The following AP3B2 variants were observed in gnomAD, a reference collection of about 807,000 sequenced individuals.
AP3B2 encodes adaptor related protein complex 3 subunit beta 2.
Under a neutral mutation model 126.9 loss-of-function variants are expected in AP3B2, and 50 were observed. That is an observed-to-expected ratio of 0.39 (90% confidence interval 0.31 to 0.50). The LOEUF is 0.50. AP3B2 is among the 20% of genes least tolerant of loss of function. AP3B2 has a pLI of 0.79. For synonymous variants in AP3B2, 541 were observed against 565.0 expected (o/e 0.96, Z 0.60); for missense variants, 1,177 against 1,426.4 (o/e 0.83, Z 2.82).
chr15:82,683,960 A>C (rs1370126939), intron 4 of AP3B2, among the ~76,000 whole-genome samples: 1 of 152,224 alleles, frequency 6.6e-6, no homozygotes, highest in Non-Finnish European at 1.5e-5. Flanking sequence ...CAGTGGGCTT[A>C]AAAAATTCAG....
intron 23 of AP3B2, 80 bp from the exon 24 acceptor site, chr15:82,662,332 C>G (rs903912550): frequency 9.4e-7 from 1 of 1,064,576 alleles, no homozygotes; most frequent in Non-Finnish European, 1.4e-6. Flanking sequence ...TAGCCCTACT[C>G]TCCTCTCCAC....
At position 82,661,855 on chromosome 15, in the gene AP3B2, T is replaced by G. The variant is rs2047956387; in HGVS notation, c.2986A>C (p.Met996Leu). The change falls in exon 25 of 27, where the codon ATG (methionine) becomes CTG (leucine). Residue 996 changes from methionine (M) to leucine (L), a missense_variant. Physicochemically the swap from Met to Leu is conservative, Grantham distance 15. Around this residue, in one of 5 missense-constraint regions of AP3B2, gnomAD observed 587 missense variants for 571.3 expected, o/e 1.03. Transcript: ENST00000535359. ...PVGELMAPVF[M>L]SENEFKKEQG... ...TCCTTCTTAAACTCATTTTCACTCATGAACACAGGGGCCATCAGCTCCCCA... is the reference window on the plus strand; with the variant it reads ...TCCTTCTTAAACTCATTTTCACTCAGGAACACAGGGGCCATCAGCTCCCCA... 1 of 1,613,514 alleles carries G rather than the reference T, an allele frequency of 6.2e-7. No homozygotes were observed. The highest frequency in any genetic ancestry group is 1.7e-5 in the Admixed American group (1 of 59,960).
At position 82,678,122 on chromosome 15, in the gene AP3B2, C is replaced by T. The variant is rs1282981278; in HGVS notation, c.1228G>A (p.Val410Ile). Residue 410 changes from valine (V) to isoleucine (I), a missense_variant, in exon 11 of 27, where the codon GTC becomes ATC. Physicochemically the swap from Val to Ile is conservative, Grantham distance 29. This residue lies in a region of AP3B2 where 308 missense variants were observed against 452.4 expected (regional missense o/e 0.68). Transcript: ENST00000535359. The stretch of plus-strand genomic sequence containing the variant: ...GCCTGTACCTGGAATTCCCGTAGGA[C>T]AGTAGGAATGTTGGTCTCATTGGCC... ...NLANETNIPT[V>I]LREFQTYIRS... 1 of 1,613,902 alleles carries T rather than the reference C, an allele frequency of 6.2e-7. No homozygotes were observed. Among genetic ancestry groups the T allele is most frequent in the Non-Finnish European group, 8.5e-7 (1 of 1,179,866 alleles).
At chr15:82,693,890 G>A (rs2048589887) in intron 1 of AP3B2, among the ~76,000 whole-genome samples, 1 of 151,140 alleles carries the variant, frequency 6.6e-6, no homozygotes, top group East Asian at 2.0e-4. Context: ...TAGTAGAGAT[G>A]AGGTTTCTCC....
At chr15:82,660,161 C>T (rs2047915028) in intron 25 of AP3B2, among the ~76,000 whole-genome samples, 178 bp from the exon 26 acceptor site, 1 of 152,166 alleles carries the variant, frequency 6.6e-6, no homozygotes, top group African/African-American at 2.4e-5. Flanking sequence ...TGGGCCCTCC[C>T]TCAGGAAGCC....
chr15:82,709,323 G>C (rs1039995101), intron 1 of AP3B2, among the ~76,000 whole-genome samples: 3 of 152,146 alleles, frequency 2.0e-5, no homozygotes, highest in Non-Finnish European at 4.4e-5. Flanking sequence ...CCTGGAACCG[G>C]AGGGTTTCTC....
Position 82,659,883 on chromosome 15 carries a change from G to T in AP3B2, c.3117C>A (p.Asn1039Lys). Residue 1039 changes from asparagine (N) to lysine (K), a missense_variant, in exon 26 of 27, where the codon AAC becomes AAA. Around this residue, in one of 5 missense-constraint regions of AP3B2, gnomAD observed 587 missense variants for 571.3 expected, o/e 1.03. Coordinates refer to ENST00000535359, the MANE Select transcript of AP3B2 (RefSeq NM_001278512.2). ...ATGTCCCACAAGGAACACGACCCAG[G>T]TTGGCAGTGGCAGTCACTTTCTGCA... ...IVVQKVTATA[N>K]LGRVPCGTSD... 6.2e-7 allele frequency: 1 copy of T among 1,613,998 alleles called. No individual in the cohort carries two copies. The highest frequency in any genetic ancestry group is 8.5e-7 in the Non-Finnish European group (1 of 1,179,890).
chr15:82,683,971 T>G (rs190255861), intron 4 of AP3B2, among the ~76,000 whole-genome samples: 39 of 152,312 alleles, frequency 2.6e-4, no homozygotes, highest in Non-Finnish European at 4.7e-4. Context: ...AAAAATTCAG[T>G]AAACCATAAC....
chr15:82,709,410 C>G (rs1596203132), intron 1 of AP3B2, among the ~76,000 whole-genome samples, 184 bp downstream of exon 1: 1 of 151,464 alleles, frequency 6.6e-6, no homozygotes. Context: ...CCCCTGGAGC[C>G]GGGGTGCCAG....
At chr15:82,697,158 C>T (rs62011675) in intron 1 of AP3B2, among the ~76,000 whole-genome samples, 30,443 of 151,942 alleles carry the variant, frequency 0.2, 3,700 homozygotes, top group South Asian at 0.34. Flanking sequence ...GGTGAAACCC[C>T]GTCTCTACTA....
chr15:82,661,794 C>T, intron 25 of AP3B2, 31 bp downstream of exon 25: 1 of 1,561,536 alleles, frequency 6.4e-7, no homozygotes, highest in Non-Finnish European at 8.8e-7. Context: ...TTCTATACTT[C>T]CCTCTCTGCC....
At chr15:82,699,766 G>T in intron 1 of AP3B2, 2 of 399,258 alleles carry the variant, frequency 5.0e-6, no homozygotes, top group African/African-American at 2.1e-5. Context: ...CCGGAGTGGG[G>T]GCCCACCTTC....
Position 82,665,661 on chromosome 15 carries a change from T to A in AP3B2, c.1853-86A>T, listed in dbSNP as rs1201067959. On this transcript the variant is annotated intron_variant, in intron 15 of 26. Coordinates refer to ENST00000535359, the MANE Select transcript of AP3B2 (RefSeq NM_001278512.2). The surrounding 1 kb of genome is among the most constrained non-coding windows in gnomAD (Gnocchi z 4.4). ...TTTCCAGGTGGGGCTGGGTGGTGAT[T>A]CTGGTTGGGACTTCCCAGGTGGGTA... 41 of 1,094,360 alleles carry A rather than the reference T, an allele frequency of 3.7e-5. No homozygotes were observed. In the South Asian group the frequency reaches 4.8e-4, roughly 13 times the overall value. The allele number at this position is 1,094,360 out of a possible 1,614,324, so 67.8% of individuals were successfully genotyped here.
At chr15:82,702,792 C>T (rs1044021284) in intron 1 of AP3B2, among the ~76,000 whole-genome samples, 6 of 152,178 alleles carry the variant, frequency 3.9e-5, no homozygotes, top group East Asian at 1.9e-4. Context: ...TGCCATGACT[C>T]GGATCGGGGG....
chr15:82,660,039 C>A (rs1012463154), intron 25 of AP3B2, 56 bp from the exon 26 acceptor site: 2 of 1,579,898 alleles, frequency 1.3e-6, no homozygotes, highest in South Asian at 2.3e-5. Flanking sequence ...GAGGCCAGCA[C>A]CTGGGTCTGC....
At position 82,706,963 on chromosome 15, in the gene AP3B2, G is replaced by A. The variant is rs148180288; in HGVS notation, c.113+2631C>T. ...CAAATTGACTTTACTCACATGCCCC[G>A]AGTCAGGAAACTAAAATACGTCTTG... is the stretch of plus-strand genomic sequence containing the variant. On this transcript the variant is annotated intron_variant, in intron 1 of 26. Coordinates refer to ENST00000535359, the MANE Select transcript of AP3B2 (RefSeq NM_001278512.2). Among the ~76,000 whole-genome samples, 1,060 of 152,252 alleles carry A rather than the reference G, an allele frequency of 7.0e-3. 14 individuals carry two copies. Among genetic ancestry groups the A allele is most frequent in the South Asian group, 0.05 (241 of 4,822 alleles).
chr15:82,680,846 G>A lies in AP3B2; in HGVS notation c.762C>T (p.Pro254=), dbSNP rs2048327232. ...TRYARTQFLS[P]TQNESLLEEN... ...GGCTGGGCCCACTTACGTTCTGGGT[G>A]GGGCTCAGGAACTGCGTGCGGGCGT... The change falls in exon 7 of 27, where the codon CCC becomes CCT. Residue 254 remains proline, a synonymous_variant. Transcript: ENST00000535359. This position sits in a 1 kb window ranked among gnomAD's most constrained non-coding sequence, Gnocchi z 6.1. 6.2e-7 allele frequency: 1 copy of A among 1,613,558 alleles called. No individual in the cohort carries two copies. Among genetic ancestry groups the A allele is most frequent in the Admixed American group, 1.7e-5 (1 of 59,978 alleles).
chr15:82,674,219 C>T (rs1275908678), intron 14 of AP3B2, among the ~76,000 whole-genome samples: 1 of 152,138 alleles, frequency 6.6e-6, no homozygotes, highest in Non-Finnish European at 1.5e-5. Context: ...CACTCATGGT[C>T]CCAGGATGGG....
At position 82,665,348 on chromosome 15, in the gene AP3B2, C is replaced by A. The variant is rs746942571; in HGVS notation, c.1972-45G>T. On this transcript the variant is annotated intron_variant, in intron 16 of 26. Coordinates refer to ENST00000535359, the MANE Select transcript of AP3B2 (RefSeq NM_001278512.2). The surrounding 1 kb of genome is among the most constrained non-coding windows in gnomAD (Gnocchi z 4.4). Reference sequence around the variant, plus strand: ...TGTTAGGAGGGCTGGGCCGGCACTGCCAGGGCTCCCTACTGTCTGCCCCCA... The same window carrying A: ...TGTTAGGAGGGCTGGGCCGGCACTGACAGGGCTCCCTACTGTCTGCCCCCA... 10 of 1,580,350 alleles carry A rather than the reference C, an allele frequency of 6.3e-6. No individual in the cohort carries two copies. The highest frequency in any genetic ancestry group is 1.4e-5 in the African/African-American group (1 of 73,348).
Sources: allele counts gnomAD v4.1 joint callset (sites outside exome capture counted in the v4.1 genomes callset), GRCh38; gene constraint gnomAD v4.1.1; regional missense constraint gnomAD v4.1.1; non-coding constraint Gnocchi (gnomAD v3.1); transcripts MANE v1.5; gene names NCBI Gene and HGNC (gene_info 2026-07-23, HGNC 2026-07-21).